ASIC2: variants seen among roughly 807,000 people sequenced by gnomAD.
ASIC2 encodes acid sensing ion channel subunit 2, also known as acid-sensing ion channel 2.
In ASIC2, 25 loss-of-function variants were observed where a neutral mutation model predicts 57.3. The observed-to-expected ratio is 0.44, with a 90% CI of 0.32 to 0.61. ASIC2 has a LOEUF of 0.61. Among genes scored for constraint, ASIC2 ranks in the 20% least tolerant of loss-of-function variants. The probability of loss-of-function intolerance (pLI) is 0.06; values close to 1 mark genes in which losing one functional copy is unlikely to be tolerated. For synonymous variants in ASIC2, 319 were observed against 307.5 expected, an observed-to-expected ratio of 1.04 and a Z score of -0.39; for missense variants, 641 against 738.1, an observed-to-expected ratio of 0.87 and a Z score of 1.52.
intron 1 of ASIC2, among the ~76,000 whole-genome samples, chr17:33,289,956 G>C (rs947502833): frequency 6.6e-6 from 1 of 152,164 alleles, no homozygotes; most frequent in Non-Finnish European, 1.5e-5. Context: ...CTTCAGCTTC[G>C]TGGAACTCAG....
chr17:33,768,297 A>T (rs991434188), intron 1 of ASIC2, among the ~76,000 whole-genome samples: 1 of 152,148 alleles, frequency 6.6e-6, no homozygotes, highest in African/African-American at 2.4e-5. Flanking sequence ...TGAGCCACCA[A>T]GCCCAGCCCA....
In ASIC2 at chr17:33,782,946, C is replaced by T. The variant is rs937723305; in HGVS notation, c.555+373032G>A. ...CTCCTTAGAACACCCAAAACTTCCT[C>T]GCCTCAGAATTTTTGCACCTGCTGT... On this transcript the variant is annotated intron_variant, in intron 1 of 9. Coordinates refer to the ASIC2 transcript ENST00000359872. 6.6e-5 allele frequency among the ~76,000 whole-genome samples: 10 copies of T among 152,304 alleles called. No individual in the cohort carries two copies. The East Asian group carries it at 1.5e-3, about 24-fold the overall frequency.
intron 1 of ASIC2, among the ~76,000 whole-genome samples, chr17:33,622,005 T>C (rs1001342456): frequency 6.6e-6 from 1 of 152,082 alleles, no homozygotes; most frequent in African/African-American, 2.4e-5. Flanking sequence ...TCTCAATAAA[T>C]GTTGACTGTT....
At chr17:33,512,839 C>T (rs968741716) in intron 1 of ASIC2, among the ~76,000 whole-genome samples, 4 of 152,214 alleles carry the variant, frequency 2.6e-5, no homozygotes, top group Non-Finnish European at 4.4e-5. Context: ...TGACCTCTTG[C>T]TTCTGAGGAG....
In ASIC2 at chr17:33,021,263, T is replaced by C; in HGVS notation, c.1397A>G (p.Glu466Gly). The C allele has an allele frequency of 1.9e-6, 3 of 1,612,426 alleles. No homozygotes were observed. The highest frequency in any genetic ancestry group is 1.7e-6 in the Non-Finnish European group (2 of 1,179,518). The change falls in exon 7 of 10, where the codon GAG (glutamate) becomes GGG (glycine). Residue 466 changes from glutamate (E) to glycine (G), a missense_variant. By Grantham distance (98) the Glu-to-Gly change is moderately conservative. Around this residue, in one of 3 missense-constraint regions of ASIC2, gnomAD observed 252 missense variants for 319.8 expected, o/e 0.79. Coordinates refer to ENST00000225823, the MANE Select transcript of ASIC2 (RefSeq NM_183377.2). Reference protein sequence around the residue: ...LDIFFEALNYETIEQKKAYEV... With the variant: ...LDIFFEALNYGTIEQKKAYEV... ...ATACGCCTTCTTCTGTTCAATTGTC[T>C]CATAATTGAGAGCTTCAAAAAATAT...
intron 2 of ASIC2, among the ~76,000 whole-genome samples, chr17:33,107,136 G>T (rs572608158): frequency 9.9e-5 from 15 of 152,196 alleles, no homozygotes; most frequent in African/African-American, 3.6e-4. Context: ...GTTACTTAGA[G>T]GTATCTACAC....
At chr17:33,615,296 A>C (rs1037373876) in intron 1 of ASIC2, among the ~76,000 whole-genome samples, 6 of 152,208 alleles carry the variant, frequency 3.9e-5, no homozygotes, top group African/African-American at 1.4e-4. Context: ...CAGTACTTAA[A>C]AGTACCTGTT....
chr17:33,368,466 T>C (rs1455678726), intron 1 of ASIC2, among the ~76,000 whole-genome samples: 1 of 152,220 alleles, frequency 6.6e-6, no homozygotes. Context: ...GACTTCCCTG[T>C]GGAGTCTTAT....
At chr17:34,127,148 T>C (rs1329988435) in intron 1 of ASIC2, among the ~76,000 whole-genome samples, 1 of 152,014 alleles carries the variant, frequency 6.6e-6, no homozygotes, top group Non-Finnish European at 1.5e-5. Flanking sequence ...TAAGAGGGGG[T>C]TTGTTTTTCG....
intron 1 of ASIC2, among the ~76,000 whole-genome samples, chr17:33,497,871 C>A (rs1025416766): frequency 1.3e-5 from 2 of 152,156 alleles, no homozygotes; most frequent in Non-Finnish European, 2.9e-5. Flanking sequence ...CACTAGAAGG[C>A]CAGATATGGG....
chr17:33,837,002 C>T (rs1913293993), intron 1 of ASIC2, among the ~76,000 whole-genome samples: 1 of 152,208 alleles, frequency 6.6e-6, no homozygotes, highest in South Asian at 2.1e-4. Context: ...AAAATAAGTG[C>T]TAACTGATCA....
chr17:33,208,945 C>T (rs1360047753), intron 1 of ASIC2, among the ~76,000 whole-genome samples: 1 of 152,162 alleles, frequency 6.6e-6, no homozygotes, highest in African/African-American at 2.4e-5. Context: ...CCTTTCCTGT[C>T]TCATTTCCCG....
intron 1 of ASIC2, among the ~76,000 whole-genome samples, chr17:33,453,278 G>T: frequency 8.9e-6 from 1 of 112,990 alleles, no homozygotes. Context: ...TTTCTACAAA[G>T]CAGGTGAAAA....
chr17:33,051,613 C>T (rs1214641945), intron 3 of ASIC2, among the ~76,000 whole-genome samples: 1 of 152,158 alleles, frequency 6.6e-6, no homozygotes, highest in Admixed American at 6.5e-5. Context: ...TCATCCTTGC[C>T]ACCTGCTAGC....
At chr17:33,480,369 C>A (rs1050673654) in intron 1 of ASIC2, among the ~76,000 whole-genome samples, 3 of 152,138 alleles carry the variant, frequency 2.0e-5, no homozygotes, top group African/African-American at 4.8e-5. Flanking sequence ...AAGGAGGTAA[C>A]AATTCCAGTT....
chr17:33,673,787 T>C (rs1301455415), intron 1 of ASIC2, among the ~76,000 whole-genome samples: 3 of 152,198 alleles, frequency 2.0e-5, no homozygotes, highest in Admixed American at 6.5e-5. Flanking sequence ...TCCCTGAACC[T>C]ACCTTACTGT....
At chr17:33,897,921 G>T (rs528617835) in intron 1 of ASIC2, among the ~76,000 whole-genome samples, 1 of 152,310 alleles carries the variant, frequency 6.6e-6, no homozygotes, top group African/African-American at 2.4e-5. Context: ...ATCGAAGATG[G>T]ATGATGAATA....
chr17:33,914,068 C>G (rs778615904), intron 1 of ASIC2, among the ~76,000 whole-genome samples: 2 of 152,096 alleles, frequency 1.3e-5, no homozygotes, highest in Admixed American at 6.5e-5. Flanking sequence ...GGAAAGGGGG[C>G]GTAGAGTAGA....
At chr17:34,135,438 T>G (rs1274984961) in intron 1 of ASIC2, among the ~76,000 whole-genome samples, 1 of 152,214 alleles carries the variant, frequency 6.6e-6, no homozygotes, top group Non-Finnish European at 1.5e-5. Context: ...CTGGTTCTCT[T>G]GCTAGTAGTT....
Sources: allele counts gnomAD v4.1 joint callset (sites outside exome capture counted in the v4.1 genomes callset), GRCh38; gene constraint gnomAD v4.1.1; regional missense constraint gnomAD v4.1.1; transcripts MANE v1.5; gene names NCBI Gene and HGNC (gene_info 2026-07-23, HGNC 2026-07-21).